Variants in OCA2 observed in about 807,000 individuals in gnomAD.
The protein encoded by OCA2 is P protein.
OCA2 carries 77 observed loss-of-function variants against 100.2 expected under a neutral mutation model. That is an observed-to-expected ratio of 0.77 (90% CI 0.64 to 0.93). OCA2 has a LOEUF of 0.93. OCA2 is among the 40% of genes least tolerant of loss of function. The pLI is 0.00. For missense variants in OCA2, 1,062 were observed against 1,089.1 expected, an observed-to-expected ratio of 0.98 and a Z score of 0.35; for synonymous variants, 432 against 439.2, an observed-to-expected ratio of 0.98 and a Z score of 0.21.
At chr15:27,927,784 C>CTT (rs34037519) in intron 18 of OCA2, among the ~76,000 whole-genome samples, 1,153 of 69,304 alleles carry the variant, frequency 0.017, 10 homozygotes, top group African/African-American at 0.023. Context: ...CTTTGAGCAT[C>CTT]TTTTTTTTTT....
chr15:28,044,145 T>C (rs982942482), intron 2 of OCA2, among the ~76,000 whole-genome samples: 2 of 152,222 alleles, frequency 1.3e-5, no homozygotes, highest in Non-Finnish European at 2.9e-5. Flanking sequence ...TGTGTATGTG[T>C]ACAACTTGCT....
chr15:28,013,937 C>T (rs1223795008), intron 9 of OCA2, among the ~76,000 whole-genome samples: 2 of 152,168 alleles, frequency 1.3e-5, no homozygotes, highest in African/African-American at 2.4e-5. Flanking sequence ...CCTTGTTAGA[C>T]AGGTGAGGGC....
At chr15:28,011,584 T>A (rs1329515226) in intron 9 of OCA2, among the ~76,000 whole-genome samples, 1 of 149,754 alleles carries the variant, frequency 6.7e-6, no homozygotes, top group Non-Finnish European at 1.5e-5. Flanking sequence ...AACTAAGCAA[T>A]AAGTTCTCAG....
chr15:28,007,654 C>T (rs1347109375), intron 9 of OCA2, among the ~76,000 whole-genome samples: 4 of 151,772 alleles, frequency 2.6e-5, no homozygotes, highest in East Asian at 1.9e-4. Flanking sequence ...TGCTTGAACC[C>T]GGGAGGTGGA....
chr15:27,990,712 T>C (rs2041528512), intron 9 of OCA2, 65 bp from the exon 10 acceptor site: 2 of 1,361,504 alleles, frequency 1.5e-6, no homozygotes, highest in Admixed American at 1.7e-5. Flanking sequence ...CACGAAAGCC[T>C]GTGTGGACAT....
At chr15:27,852,064 C>A (rs1030001047) in intron 21 of OCA2, among the ~76,000 whole-genome samples, 1 of 152,190 alleles carries the variant, frequency 6.6e-6, no homozygotes, top group Non-Finnish European at 1.5e-5. Context: ...ACATCAGGTA[C>A]CAGATTCTAC....
intron 10 of OCA2, 110 bp downstream of exon 10, chr15:27,990,466 A>C: frequency 9.4e-7 from 1 of 1,059,042 alleles, no homozygotes; most frequent in Non-Finnish European, 1.5e-6. Context: ...AAAAACATGG[A>C]CGTGGCATAT....
rs139218852 is a variant in OCA2 at position 28,026,019 on chromosome 15, A to G, written c.516-1117T>C. Among the ~76,000 whole-genome samples, 492 of 152,350 alleles carry G rather than the reference A, an allele frequency of 3.2e-3. 3 individuals are homozygous for G. Among genetic ancestry groups the G allele is most frequent in the African/African-American group, 0.011 (467 of 41,592 alleles). Reference sequence around the variant, plus strand: ...TCCTACTTAAATAGGAATCAAAATGACATTTCTTTTTAAAGCATGAAGCAT... The same window carrying G: ...TCCTACTTAAATAGGAATCAAAATGGCATTTCTTTTTAAAGCATGAAGCAT... On this transcript the variant is annotated intron_variant, in intron 4 of 23. Coordinates refer to ENST00000354638, the MANE Select transcript of OCA2 (RefSeq NM_000275.3).
At chr15:28,060,334 G>A (rs938679732) in intron 2 of OCA2, among the ~76,000 whole-genome samples, 6 of 152,218 alleles carry the variant, frequency 3.9e-5, no homozygotes, top group African/African-American at 1.2e-4. Flanking sequence ...CCAGCCTTGC[G>A]AAATGATCAC....
At chr15:28,029,150 T>A (rs946820975) in intron 3 of OCA2, among the ~76,000 whole-genome samples, 1 of 152,222 alleles carries the variant, frequency 6.6e-6, no homozygotes, top group African/African-American at 2.4e-5. Context: ...CACACTAGAA[T>A]GGAGCCAGCT....
At chr15:27,842,921 T>C in intron 23 of OCA2, among the ~76,000 whole-genome samples, 1 of 152,224 alleles carries the variant, frequency 6.6e-6, no homozygotes. Context: ...CCACTGGAGC[T>C]GAACCTCAGG....
chr15:27,987,670 A>G (rs2041407020), intron 11 of OCA2, among the ~76,000 whole-genome samples: 1 of 152,054 alleles, frequency 6.6e-6, no homozygotes. Flanking sequence ...GGGAGCTTGC[A>G]GTGAGCCAAG....
chr15:27,800,969 A>C (rs1432023447), intron 23 of OCA2, among the ~76,000 whole-genome samples: 4 of 152,180 alleles, frequency 2.6e-5, no homozygotes, highest in African/African-American at 9.7e-5. Context: ...CCTACCTCGA[A>C]AAACAATTTT....
chr15:28,041,088 C>T (rs2043187549), intron 2 of OCA2, among the ~76,000 whole-genome samples: 1 of 152,046 alleles, frequency 6.6e-6, no homozygotes, highest in African/African-American at 2.4e-5. Flanking sequence ...CTGGTGAATA[C>T]TGATGCAAAA....
At chr15:27,907,056 A>G (rs2038205437) in intron 19 of OCA2, among the ~76,000 whole-genome samples, 2 of 152,226 alleles carry the variant, frequency 1.3e-5, no homozygotes, top group African/African-American at 4.8e-5. Context: ...ATCCGCCACC[A>G]TGACCCAAAC....
chr15:27,922,983 G>C (rs2038920874), intron 19 of OCA2, among the ~76,000 whole-genome samples: 1 of 151,944 alleles, frequency 6.6e-6, no homozygotes, highest in Admixed American at 6.6e-5. Context: ...TCCTCCAGTA[G>C]GCCCCAGTGT....
intron 23 of OCA2, among the ~76,000 whole-genome samples, chr15:27,767,246 G>A (rs940446555): frequency 1.3e-5 from 2 of 151,982 alleles, no homozygotes; most frequent in Admixed American, 1.3e-4. Context: ...CTGACCCACT[G>A]GCCCTTTGAC....
intron 2 of OCA2, among the ~76,000 whole-genome samples, chr15:28,052,515 T>G (rs1410058035): frequency 1.3e-5 from 2 of 152,138 alleles, no homozygotes; most frequent in East Asian, 3.9e-4. Context: ...GCCTCAGAGC[T>G]AATCAACCCA....
At chr15:27,908,681 G>A (rs1211015558) in intron 19 of OCA2, among the ~76,000 whole-genome samples, 1 of 152,178 alleles carries the variant, frequency 6.6e-6, no homozygotes, top group East Asian at 1.9e-4. Context: ...TTCCTCCCAT[G>A]GTGGGGGCTC....
Sources: allele counts gnomAD v4.1 joint callset (sites outside exome capture counted in the v4.1 genomes callset), GRCh38; gene constraint gnomAD v4.1.1; transcripts MANE v1.5; gene names NCBI Gene and HGNC (gene_info 2026-07-23, HGNC 2026-07-21).